Variants in SPIDR observed in about 807,000 individuals in gnomAD.
SPIDR encodes DNA repair-scaffolding protein.
A neutral mutation model predicts 104.6 loss-of-function variants in SPIDR; 93 were observed. That is an observed-to-expected ratio of 0.89 (90% CI 0.75 to 1.06). SPIDR has a LOEUF of 1.06. Ranked by LOEUF, SPIDR falls within the 50% of genes least tolerant of loss-of-function variation. The pLI, the probability that SPIDR is intolerant of heterozygous loss-of-function variation, is 0.00. For missense variants in SPIDR, 1,154 were observed against 1,111.2 expected (o/e 1.04, Z -0.55); for synonymous variants, 431 against 416.9 (o/e 1.03, Z -0.41).
At chr8:47,441,138 A>G (rs1192208034) in intron 8 of SPIDR, among the ~76,000 whole-genome samples, 2 of 152,166 alleles carry the variant, frequency 1.3e-5, no homozygotes, top group South Asian at 2.1e-4. Context: ...GTAATTTTTT[A>G]TAAGTTTTCA....
intron 5 of SPIDR, among the ~76,000 whole-genome samples, chr8:47,324,217 C>G (rs950477037): frequency 6.6e-6 from 1 of 152,120 alleles, no homozygotes; most frequent in Admixed American, 6.6e-5. Flanking sequence ...TGTCTGAAAT[C>G]ACACAACTAG....
At chr8:47,460,061 G>A (rs2073688226) in intron 8 of SPIDR, among the ~76,000 whole-genome samples, 1 of 152,036 alleles carries the variant, frequency 6.6e-6, no homozygotes, top group African/African-American at 2.4e-5. Flanking sequence ...CTATCATATG[G>A]TCTATCTTGG....
intron 8 of SPIDR, among the ~76,000 whole-genome samples, chr8:47,540,154 A>AAT (rs2154390182): frequency 6.6e-6 from 1 of 152,232 alleles, no homozygotes; most frequent in East Asian, 1.9e-4. Flanking sequence ...CACTTTTTTG[A>AAT]ATAATATCAT....
At chr8:47,720,193 C>T (rs572607592) in intron 16 of SPIDR, among the ~76,000 whole-genome samples, 3 of 152,300 alleles carry the variant, frequency 2.0e-5, no homozygotes, top group South Asian at 2.1e-4. Context: ...CTTGATAGCG[C>T]ATTTCTTTTT....
rs560305239 is a variant in SPIDR, at chr8:47,425,444, T to C, written c.878-14879T>C. Among the ~76,000 whole-genome samples, 23 of 152,270 alleles carry C rather than the reference T, an allele frequency of 1.5e-4. No homozygotes were observed. In the South Asian group the frequency reaches 3.7e-3, roughly 25 times the overall value. On this transcript the variant is annotated intron_variant, in intron 7 of 19. Transcript: ENST00000297423. ...AGGTTAGTAAAGTGCAGGGTCTGCA[T>C]GGGCATGGTAGGAGCTGTGCAGGAC...
intron 8 of SPIDR, among the ~76,000 whole-genome samples, chr8:47,574,288 A>G (rs909319270): frequency 4.6e-5 from 7 of 152,218 alleles, no homozygotes; most frequent in African/African-American, 1.7e-4. Flanking sequence ...TGGAAGTTCA[A>G]TTTAGGATAT....
At chr8:47,291,828 G>A (rs1224176483) in intron 4 of SPIDR, among the ~76,000 whole-genome samples, 1 of 152,270 alleles carries the variant, frequency 6.6e-6, no homozygotes, top group African/African-American at 2.4e-5. Context: ...GAGGTGTAAC[G>A]TACTGACAAA....
rs562043153 is a variant in SPIDR, at chr8:47,729,140, C to T, written c.2550+93C>T. ...TGAAGCAGGTGCACGTCCTCCTGTACGCCTGCAGAGGCGCTGGGACTCGGC... is the reference window on the plus strand; with the variant it reads ...TGAAGCAGGTGCACGTCCTCCTGTATGCCTGCAGAGGCGCTGGGACTCGGC... On this transcript the variant is annotated intron_variant, in intron 18 of 19. Transcript: ENST00000297423. The T allele has an allele frequency of 2.3e-5, 36 of 1,553,084 alleles. 1 individual carries two copies. In the Admixed American group the frequency reaches 3.7e-4, roughly 16 times the overall value.
intron 8 of SPIDR, among the ~76,000 whole-genome samples, chr8:47,581,428 G>A (rs2059684237): frequency 6.6e-6 from 1 of 152,162 alleles, no homozygotes; most frequent in African/African-American, 2.4e-5. Context: ...CCAGTTATAA[G>A]TGGGGTCATG....
intron 10 of SPIDR, among the ~76,000 whole-genome samples, chr8:47,608,763 C>T (rs1289390308): frequency 1.3e-5 from 2 of 152,092 alleles, no homozygotes; most frequent in Non-Finnish European, 1.5e-5. Flanking sequence ...CTCGCTCTGT[C>T]GCCAGGGCGG....
At chr8:47,349,791 A>G (rs2053058754) in intron 5 of SPIDR, among the ~76,000 whole-genome samples, 1 of 152,192 alleles carries the variant, frequency 6.6e-6, no homozygotes, top group Non-Finnish European at 1.5e-5. Flanking sequence ...GCGGGATGTA[A>G]TGTCCTGGTG....
chr8:47,300,105 A>G (rs961900963), intron 5 of SPIDR, among the ~76,000 whole-genome samples: 2 of 152,152 alleles, frequency 1.3e-5, no homozygotes, highest in East Asian at 1.9e-4. Flanking sequence ...TTGGTAAGCT[A>G]TTAATTATTG....
intron 16 of SPIDR, among the ~76,000 whole-genome samples, chr8:47,726,599 G>A (rs988564611): frequency 2.0e-5 from 3 of 152,200 alleles, no homozygotes; most frequent in African/African-American, 7.2e-5. Context: ...GAGGCCCCGT[G>A]TGGCCCGCCC....
At chr8:47,340,609 A>T (rs1554613319) in intron 5 of SPIDR, among the ~76,000 whole-genome samples, 1 of 152,134 alleles carries the variant, frequency 6.6e-6, no homozygotes. Flanking sequence ...GTGAAAAAAC[A>T]AAACAACAAC....
intron 5 of SPIDR, among the ~76,000 whole-genome samples, chr8:47,339,679 CTT>C (rs199765975): frequency 3.2e-4 from 43 of 135,804 alleles, no homozygotes; most frequent in Middle Eastern, 3.8e-3. Flanking sequence ...TGTTTACAAT[CTT>C]TTTTTTTTTT....
intron 8 of SPIDR, among the ~76,000 whole-genome samples, chr8:47,561,514 T>C (rs1035886290): frequency 6.6e-6 from 1 of 152,260 alleles, no homozygotes; most frequent in Non-Finnish European, 1.5e-5. Flanking sequence ...CTTTAGCTGC[T>C]ACTTCTCTGC....
chr8:47,282,031 T>C (rs1200075844), intron 2 of SPIDR, among the ~76,000 whole-genome samples: 2 of 152,224 alleles, frequency 1.3e-5, no homozygotes, highest in African/African-American at 4.8e-5. Context: ...AGCTCTTGGG[T>C]GACCAGGTGC....
intron 10 of SPIDR, among the ~76,000 whole-genome samples, chr8:47,659,037 C>T (rs372484580): frequency 6.6e-6 from 1 of 151,894 alleles, no homozygotes; most frequent in Non-Finnish European, 1.5e-5. Context: ...GCTGGTGGAT[C>T]ACTTGAGTCC....
intron 6 of SPIDR, among the ~76,000 whole-genome samples, chr8:47,399,928 C>T (rs190226395): frequency 1.1e-4 from 16 of 152,218 alleles, no homozygotes; most frequent in African/African-American, 3.6e-4. Context: ...AGAGTTGAGC[C>T]GCTGGAGGGA....
Sources: gnomAD v4.1 joint callset for allele counts (sites outside exome capture counted in the v4.1 genomes callset) on GRCh38, gnomAD v4.1.1 for gene constraint, MANE v1.5 for transcripts, NCBI Gene and HGNC (gene_info 2026-07-23, HGNC 2026-07-21) for gene names.